Variants in IL1RAPL2 observed in about 807,000 individuals in gnomAD.
The protein encoded by IL1RAPL2 is X-linked interleukin-1 receptor accessory protein-like 2.
Under a neutral mutation model 44.1 loss-of-function variants are expected in IL1RAPL2, and 3 were observed. The observed-to-expected ratio is 0.07, with a 90% confidence interval of 0.03 to 0.18. The LOEUF (loss-of-function observed/expected upper bound fraction) is 0.18. IL1RAPL2 is among the 10% of genes least tolerant of loss of function. The pLI, the probability that IL1RAPL2 is intolerant of heterozygous loss-of-function variation, is 1.00. For missense variants in IL1RAPL2, 391 were observed against 496.4 expected (o/e 0.79, Z 2.02); for synonymous variants, 181 against 178.8 (o/e 1.01, Z -0.10).
chrX:105,421,052 C>T (rs1422150460), intron 5 of IL1RAPL2, among the ~76,000 whole-genome samples: 6 of 111,860 alleles, frequency 5.4e-5, no homozygotes, highest in Non-Finnish European at 1.1e-4. Context: ...ACAGCCTTAG[C>T]GTGTCCTGAT....
intron 10 of IL1RAPL2, among the ~76,000 whole-genome samples, chrX:105,763,443 C>CTT (rs2147598046): frequency 9.0e-6 from 1 of 111,295 alleles, no homozygotes; most frequent in African/African-American, 3.3e-5. Flanking sequence ...TCCTCATTTA[C>CTT]TTTTGTTTTC....
intron 6 of IL1RAPL2, among the ~76,000 whole-genome samples, chrX:105,607,109 C>A (rs1360857000): frequency 9.0e-6 from 1 of 111,139 alleles, no homozygotes. Flanking sequence ...CTGATTTGAT[C>A]ATTGCACATT....
intron 1 of IL1RAPL2, among the ~76,000 whole-genome samples, chrX:104,608,755 G>T (rs1410103392): frequency 9.6e-6 from 1 of 103,837 alleles, no homozygotes; most frequent in Non-Finnish European, 2.0e-5. Context: ...TTGCACATGA[G>T]ATGGGTCTCC....
At chrX:104,795,419 C>T (rs1602731033) in intron 2 of IL1RAPL2, among the ~76,000 whole-genome samples, 1 of 102,077 alleles carries the variant, frequency 9.8e-6, no homozygotes, top group Non-Finnish European at 2.0e-5. Flanking sequence ...CTCTCCCTTC[C>T]TTTTTTTTTT....
intron 2 of IL1RAPL2, among the ~76,000 whole-genome samples, chrX:104,787,437 A>G (rs1332765245): frequency 9.0e-6 from 1 of 111,555 alleles, no homozygotes. Flanking sequence ...AAGAGAATGT[A>G]GGAGTTTGGG....
chrX:105,675,172 G>A (rs909451804), intron 6 of IL1RAPL2, among the ~76,000 whole-genome samples: 1 of 111,100 alleles, frequency 9.0e-6, no homozygotes, highest in South Asian at 3.8e-4. Flanking sequence ...CTGCCTGGTT[G>A]CCTGGCCAGA....
chrX:104,753,236 C>G (rs1233719947), intron 2 of IL1RAPL2, among the ~76,000 whole-genome samples: 1 of 109,480 alleles, frequency 9.1e-6, no homozygotes, highest in Non-Finnish European at 1.9e-5. Context: ...ATCCTATCCT[C>G]TGAGACATTT....
At chrX:104,646,791 T>A (rs1930048380) in intron 1 of IL1RAPL2, among the ~76,000 whole-genome samples, 1 of 111,392 alleles carries the variant, frequency 9.0e-6, no homozygotes, top group Non-Finnish European at 1.9e-5. Flanking sequence ...GACATGCAAC[T>A]GTGAGCAATG....
At chrX:105,471,416 A>G (rs560492136) in intron 5 of IL1RAPL2, among the ~76,000 whole-genome samples, 4 of 111,673 alleles carry the variant, frequency 3.6e-5, no homozygotes, top group South Asian at 3.8e-4. Context: ...TTCCTATAAA[A>G]TAATAAACAT....
intron 4 of IL1RAPL2, among the ~76,000 whole-genome samples, chrX:105,244,497 A>G (rs1263415417): frequency 1.8e-5 from 2 of 111,740 alleles, no homozygotes; most frequent in Non-Finnish European, 3.8e-5. Flanking sequence ...GCTTTCTGCC[A>G]TGACTTCCAA....
At position 104,615,371 on chromosome X, in the gene IL1RAPL2, C is replaced by A. The variant is rs1373943055; in HGVS notation, c.-19-43524C>A. ...CATTAGCTATTTTTCCTAATACTCT[C>A]CCTCCCCCAACCCCACCCCCCAACA... On this transcript the variant is annotated intron_variant, in intron 1 of 10. Coordinates refer to ENST00000372582, the MANE Select transcript of IL1RAPL2 (RefSeq NM_017416.2). 2.7e-5 allele frequency among the ~76,000 whole-genome samples: 3 copies of A among 109,546 alleles called. No homozygotes were observed. In the East Asian group the frequency reaches 8.6e-4, roughly 31 times the overall value.
At chrX:105,240,879 C>CT (rs1556207501) in intron 4 of IL1RAPL2, among the ~76,000 whole-genome samples, 1 of 111,269 alleles carries the variant, frequency 9.0e-6, no homozygotes, top group Non-Finnish European at 1.9e-5. Flanking sequence ...CATCCCAACA[C>CT]TTTGGGAGGC....
At chrX:105,335,290 C>T (rs1248573999) in intron 5 of IL1RAPL2, among the ~76,000 whole-genome samples, 2 of 111,495 alleles carry the variant, frequency 1.8e-5, no homozygotes, top group African/African-American at 3.3e-5. Context: ...CTTCCCTTAA[C>T]ACATATACAT....
chrX:104,835,202 G>A (rs1038350909), intron 2 of IL1RAPL2, among the ~76,000 whole-genome samples: 2 of 110,967 alleles, frequency 1.8e-5, no homozygotes. Context: ...ATGACTTTGG[G>A]CTTTGATTGA....
chrX:105,603,971 A>G (rs2147823764), intron 6 of IL1RAPL2, among the ~76,000 whole-genome samples: 1 of 111,565 alleles, frequency 9.0e-6, no homozygotes, highest in African/African-American at 3.2e-5. Context: ...AAATATAAAT[A>G]GAAACACAGC....
intron 2 of IL1RAPL2, among the ~76,000 whole-genome samples, chrX:104,948,394 T>C (rs1483378513): frequency 9.6e-6 from 1 of 103,905 alleles, no homozygotes; most frequent in East Asian, 3.0e-4. Flanking sequence ...CTTTTCCTAA[T>C]TGAATACCCT....
intron 2 of IL1RAPL2, among the ~76,000 whole-genome samples, chrX:105,181,758 A>G (rs1253676595): frequency 9.0e-6 from 1 of 111,278 alleles, no homozygotes; most frequent in Non-Finnish European, 1.9e-5. Context: ...AGAATTTTCA[A>G]TGTGATGATA....
At chrX:105,202,875 G>A (rs1205628660) in intron 3 of IL1RAPL2, among the ~76,000 whole-genome samples, 1 of 111,764 alleles carries the variant, frequency 8.9e-6, no homozygotes, top group African/African-American at 3.3e-5. Flanking sequence ...AATGTTGACT[G>A]GTTTCACATT....
intron 3 of IL1RAPL2, among the ~76,000 whole-genome samples, chrX:105,208,653 TAC>T (rs782023483): frequency 2.7e-5 from 3 of 111,658 alleles, no homozygotes; most frequent in African/African-American, 9.8e-5. Context: ...AATACAAATC[TAC>T]ACACTCGTTT....
Sources: allele counts gnomAD v4.1 joint callset (sites outside exome capture counted in the v4.1 genomes callset), GRCh38; gene constraint gnomAD v4.1.1; transcripts MANE v1.5; gene names NCBI Gene and HGNC (gene_info 2026-07-23, HGNC 2026-07-21).